Variants in JPH3 observed in about 807,000 individuals in gnomAD.
JPH3 encodes the protein junctophilin 3, also known as junctophilin-3.
JPH3 carries 11 observed loss-of-function variants against 59.6 expected under a neutral mutation model. The ratio of observed to expected loss-of-function variants is 0.18; its 90% CI spans 0.12 to 0.31. The LOEUF is 0.31. Ranked by LOEUF, JPH3 falls within the 10% of genes least tolerant of loss-of-function variation. JPH3 has a pLI of 1.00. For synonymous variants in JPH3, 673 were observed against 483.6 expected (o/e 1.39, Z -5.14); for missense variants, 1,202 against 1,105.7 (o/e 1.09, Z -1.24).
chr16:87,681,445 G>T (rs1387398221), intron 2 of JPH3, among the ~76,000 whole-genome samples: 5 of 91,888 alleles, frequency 5.4e-5, no homozygotes, highest in African/African-American at 1.7e-4. Context: ...TGGTGACAGT[G>T]CCGGGAGGTC....
At chr16:87,624,144 T>TA (rs1467503465) in intron 1 of JPH3, among the ~76,000 whole-genome samples, 3 of 152,226 alleles carry the variant, frequency 2.0e-5, no homozygotes, top group African/African-American at 4.8e-5. Flanking sequence ...GTCTGGCTTT[T>TA]AAAAAATACA....
At chr16:87,672,619 C>T (rs1300456975) in intron 2 of JPH3, among the ~76,000 whole-genome samples, 1 of 152,232 alleles carries the variant, frequency 6.6e-6, no homozygotes, top group African/African-American at 2.4e-5. Flanking sequence ...TTGACGGGGC[C>T]AGTGAAGGCT....
intron 4 of JPH3, among the ~76,000 whole-genome samples, chr16:87,692,843 G>A (rs529955509): frequency 1.1e-4 from 17 of 152,346 alleles, no homozygotes; most frequent in Middle Eastern, 3.4e-3. Context: ...CACAGCGTCC[G>A]TACCTGCTTC....
chr16:87,696,414 T>G, intron 4 of JPH3, 166 bp from the exon 5 acceptor site: 1 of 625,058 alleles, frequency 1.6e-6, no homozygotes, highest in Non-Finnish European at 2.8e-6. Context: ...TTCACGGAGC[T>G]CAGGTTCTGG....
At chr16:87,607,503 C>T (rs1443483781) in intron 1 of JPH3, among the ~76,000 whole-genome samples, 1 of 152,266 alleles carries the variant, frequency 6.6e-6, no homozygotes, top group African/African-American at 2.4e-5. Flanking sequence ...CCCCGTCCCC[C>T]AGAACGCAGC....
At chr16:87,650,309 T>C (rs1047720300) in intron 2 of JPH3, among the ~76,000 whole-genome samples, 1 of 152,214 alleles carries the variant, frequency 6.6e-6, no homozygotes, top group African/African-American at 2.4e-5. Flanking sequence ...ATCGCACCCA[T>C]ATAAGACAGT....
intron 2 of JPH3, among the ~76,000 whole-genome samples, chr16:87,663,115 C>CTTTTTTTTTTTTT (rs60196379): frequency 0.06 from 8,537 of 141,820 alleles, 318 homozygotes; most frequent in Non-Finnish European, 0.075. Context: ...TAATTTCTTT[C>CTTTTTTTTTTTTT]TTTTTTTTTT....
At chr16:87,620,437 A>T (rs2031131222) in intron 1 of JPH3, among the ~76,000 whole-genome samples, 1 of 88,136 alleles carries the variant, frequency 1.1e-5, no homozygotes, top group African/African-American at 4.0e-5. Context: ...GTGGGAGGGG[A>T]GGGAGAGAGA....
At chr16:87,643,090 A>G (rs888004146) in intron 1 of JPH3, among the ~76,000 whole-genome samples, 1 of 152,110 alleles carries the variant, frequency 6.6e-6, no homozygotes, top group Non-Finnish European at 1.5e-5. Flanking sequence ...CGCTTTCTGC[A>G]TCTCTGAGCG....
intron 2 of JPH3, among the ~76,000 whole-genome samples, chr16:87,658,388 C>G (rs1264853918): frequency 6.7e-6 from 1 of 148,938 alleles, no homozygotes; most frequent in Admixed American, 6.7e-5. Context: ...TTTTCCCTTT[C>G]TCTTTTCCTC....
intron 1 of JPH3, among the ~76,000 whole-genome samples, chr16:87,614,836 C>T (rs1567582649): frequency 6.9e-6 from 1 of 145,700 alleles, no homozygotes; most frequent in Non-Finnish European, 1.5e-5. Flanking sequence ...AGGAGCTGTG[C>T]GTCCCTTCCC....
At chr16:87,616,609 G>C (rs567228080) in intron 1 of JPH3, among the ~76,000 whole-genome samples, 1 of 152,162 alleles carries the variant, frequency 6.6e-6, no homozygotes, top group East Asian at 1.9e-4. Flanking sequence ...TTCCCAGGCA[G>C]TGGTGAGGAA....
chr16:87,678,252 A>G (rs1479363990), intron 2 of JPH3, among the ~76,000 whole-genome samples: 6 of 149,612 alleles, frequency 4.0e-5, no homozygotes, highest in African/African-American at 1.2e-4. Context: ...AAAAAATAAG[A>G]TTATAAACCA....
chr16:87,639,575 G>C (rs7192656), intron 1 of JPH3, among the ~76,000 whole-genome samples: 8,472 of 152,034 alleles, frequency 0.056, 746 homozygotes, highest in African/African-American at 0.19. Context: ...CCGAAACTCT[G>C]TCCCACTAAA....
At chr16:87,688,533 A>G (rs999416734) in intron 3 of JPH3, among the ~76,000 whole-genome samples, 9 of 149,380 alleles carry the variant, frequency 6.0e-5, no homozygotes, top group Non-Finnish European at 1.2e-4. Flanking sequence ...GGTACAGGCC[A>G]GGAGAATGTC....
chr16:87,686,863 G>A (rs1386007995), intron 3 of JPH3, among the ~76,000 whole-genome samples: 1 of 152,180 alleles, frequency 6.6e-6, no homozygotes, highest in African/African-American at 2.4e-5. Context: ...GGAGAGACGG[G>A]GCCGCTGCTG....
chr16:87,670,996 A>C (rs1036452284), intron 2 of JPH3, among the ~76,000 whole-genome samples: 2 of 152,134 alleles, frequency 1.3e-5, no homozygotes, highest in African/African-American at 4.8e-5. Flanking sequence ...GAGGGTAGCA[A>C]GGTGCCTGGG....
chr16:87,638,299 A>G (rs2150840534), intron 1 of JPH3, among the ~76,000 whole-genome samples: 1 of 152,160 alleles, frequency 6.6e-6, no homozygotes, highest in Non-Finnish European at 1.5e-5. Context: ...GCCTCAAATG[A>G]TTCTCCTGTC....
intron 3 of JPH3, among the ~76,000 whole-genome samples, chr16:87,686,356 A>C (rs1308211850): frequency 6.8e-6 from 1 of 147,236 alleles, no homozygotes; most frequent in African/African-American, 2.6e-5. Context: ...TGGAGGGCTC[A>C]GTTCTGGATT....
Sources: gnomAD v4.1 joint callset for allele counts (sites outside exome capture counted in the v4.1 genomes callset) on GRCh38, gnomAD v4.1.1 for gene constraint, MANE v1.5 for transcripts, NCBI Gene and HGNC (gene_info 2026-07-23, HGNC 2026-07-21) for gene names.